Variants in CLASP2 observed in about 807,000 individuals in gnomAD.
CLASP2 encodes CLIP-associating protein 2.
CLASP2 carries 47 observed loss-of-function variants against 194.4 expected under a neutral mutation model. The observed-to-expected ratio is 0.24, with a 90% CI of 0.19 to 0.31. The LOEUF is 0.31. Among genes scored for constraint, CLASP2 ranks in the 10% least tolerant of loss-of-function variants. The pLI, the probability that CLASP2 is intolerant of heterozygous loss-of-function variation, is 1.00. For missense variants in CLASP2, 1,445 were observed against 1,823.6 expected (o/e 0.79, Z 3.78); for synonymous variants, 619 against 633.5 (o/e 0.98, Z 0.34).
intron 37 of CLASP2, among the ~76,000 whole-genome samples, chr3:33,506,683 T>A (rs2154080558): frequency 6.6e-6 from 1 of 152,264 alleles, no homozygotes; most frequent in South Asian, 2.1e-4. Flanking sequence ...AGGTAGGGGT[T>A]CAACTTCATT....
chr3:33,635,020 G>T (rs891438606), intron 8 of CLASP2, among the ~76,000 whole-genome samples: 1 of 152,062 alleles, frequency 6.6e-6, no homozygotes, highest in Non-Finnish European at 1.5e-5. Flanking sequence ...GGGAGGCTGA[G>T]CCAGACAGAC....
intron 29 of CLASP2, among the ~76,000 whole-genome samples, chr3:33,555,149 C>G (rs2060700712): frequency 6.6e-6 from 1 of 151,944 alleles, no homozygotes; most frequent in Non-Finnish European, 1.5e-5. Context: ...TTAGCCATTC[C>G]ACAATGCATA....
chr3:33,624,346 G>A (rs2077622013), intron 10 of CLASP2, among the ~76,000 whole-genome samples: 1 of 151,946 alleles, frequency 6.6e-6, no homozygotes, highest in African/African-American at 2.4e-5. Flanking sequence ...GGGCATATAA[G>A]GAAGGGAAAA....
At position 33,599,967 on chromosome 3, in the gene CLASP2, A is replaced by C. The variant is rs952091599; in HGVS notation, c.1924+2985T>G. Among the ~76,000 whole-genome samples, 19 of 152,226 alleles carry C rather than the reference A, an allele frequency of 1.2e-4. No homozygotes were observed. In the Middle Eastern group the frequency reaches 0.014, roughly 109 times the overall value. ...TAAAGAACAACAATAGGTTCTCACAAAAAAAAATTGTCCCAAATTGGCTTT... is the reference window on the plus strand; with the variant it reads ...TAAAGAACAACAATAGGTTCTCACACAAAAAAATTGTCCCAAATTGGCTTT... On this transcript the variant is annotated intron_variant, in intron 18 of 38. Transcript: ENST00000682230.
intron 21 of CLASP2, chr3:33,588,564 C>A: frequency 4.0e-6 from 2 of 504,026 alleles, no homozygotes; most frequent in African/African-American, 2.0e-5. Flanking sequence ...AAAGAAAAAT[C>A]ACAATTGGCA....
intron 7 of CLASP2, among the ~76,000 whole-genome samples, chr3:33,649,818 G>C (rs113131298): frequency 2.2e-4 from 34 of 152,236 alleles, no homozygotes; most frequent in African/African-American, 7.0e-4. Context: ...ACAGAGAAGT[G>C]AATCAAATAG....
At chr3:33,519,817 C>T (rs1431247900) in intron 34 of CLASP2, among the ~76,000 whole-genome samples, 1 of 152,068 alleles carries the variant, frequency 6.6e-6, no homozygotes, top group Non-Finnish European at 1.5e-5. Context: ...ACACATTAGA[C>T]TATGATGAAG....
intron 6 of CLASP2, among the ~76,000 whole-genome samples, chr3:33,678,339 A>G (rs1387692667): frequency 6.6e-6 from 1 of 152,160 alleles, no homozygotes; most frequent in Non-Finnish European, 1.5e-5. Flanking sequence ...ACTATAGTAA[A>G]TCAAAAATAA....
In CLASP2 at chr3:33,717,965, A is replaced by G. The variant is rs1418047308; in HGVS notation, c.38T>C (p.Val13Ala). 1.3e-6 allele frequency: 2 copies of G among 1,541,998 alleles called. No homozygotes were observed. The highest frequency in any genetic ancestry group is 2.7e-5 in the African/African-American group (2 of 72,742). Reference protein sequence around the residue: ...PRSMEYFCAQVQQKDVGGRLQ... With the variant: ...PRSMEYFCAQAQQKDVGGRLQ... ...CCGGCCGCCGACGTCCTTCTGCTGCACCTGGGCGCAGAAGTACTCCATGCT... is the reference window on the plus strand; with the variant it reads ...CCGGCCGCCGACGTCCTTCTGCTGCGCCTGGGCGCAGAAGTACTCCATGCT... The change falls in exon 1 of 39, where the codon GTG (valine) becomes GCG (alanine). Residue 13 changes from valine to alanine, a missense_variant. Val to Ala is a moderately conservative substitution (Grantham distance 64, BLOSUM62 0). This residue lies in a region of CLASP2 where 332 missense variants were observed against 325.3 expected (regional missense o/e 1.02). Transcript: ENST00000682230.
chr3:33,676,814 G>A (rs912360102), intron 6 of CLASP2, among the ~76,000 whole-genome samples: 2 of 152,032 alleles, frequency 1.3e-5, no homozygotes, highest in Non-Finnish European at 2.9e-5. Flanking sequence ...TCTGACAAAG[G>A]GCTAATATCT....
In CLASP2 at chr3:33,600,446, T is replaced by C. The variant is rs9867937; in HGVS notation, c.1924+2506A>G. 5.4e-3 allele frequency among the ~76,000 whole-genome samples: 825 copies of C among 152,326 alleles called. 10 individuals are homozygous for C. Among genetic ancestry groups the C allele is most frequent in the African/African-American group, 0.019 (803 of 41,568 alleles). ...AAAGGGTGTTAATTTTGTCAAATGC[T>C]TTTTCTGCAGCTACTGAGATGATCA... On this transcript the variant is annotated intron_variant, in intron 18 of 38. Coordinates refer to ENST00000682230, the MANE Select transcript of CLASP2 (RefSeq NM_001365631.1).
chr3:33,545,661 G>A (rs992794303), intron 30 of CLASP2, among the ~76,000 whole-genome samples: 3 of 152,158 alleles, frequency 2.0e-5, no homozygotes, highest in African/African-American at 7.2e-5. Context: ...GGCTCACACT[G>A]CACTTTGGGA....
intron 2 of CLASP2, among the ~76,000 whole-genome samples, chr3:33,696,353 C>CTTTTTTTTTT (rs962854814): frequency 1.0e-3 from 55 of 52,730 alleles, no homozygotes; most frequent in East Asian, 2.0e-3. Flanking sequence ...TTCTTTCTTT[C>CTTTTTTTTTT]TTTTTTTTTT....
intron 9 of CLASP2, among the ~76,000 whole-genome samples, chr3:33,629,054 T>C (rs1173600490): frequency 6.6e-6 from 1 of 151,070 alleles, no homozygotes; most frequent in Non-Finnish European, 1.5e-5. Context: ...GCCTCAACGA[T>C]GATCAGTGAT....
intron 23 of CLASP2, among the ~76,000 whole-genome samples, chr3:33,577,976 C>T (rs1576676443): frequency 6.6e-6 from 1 of 152,288 alleles, no homozygotes; most frequent in African/African-American, 2.4e-5. Flanking sequence ...TTTAAAAGTA[C>T]ATAATCTATG....
At chr3:33,658,992 G>C in intron 7 of CLASP2, 2 of 1,536,006 alleles carry the variant, frequency 1.3e-6, no homozygotes, top group Non-Finnish European at 1.7e-6. Flanking sequence ...ATAGCCATTA[G>C]ATGGTCCAGG....
chr3:33,499,672 T>G (rs2046394699), intron 38 of CLASP2, among the ~76,000 whole-genome samples: 1 of 152,094 alleles, frequency 6.6e-6, no homozygotes, highest in Admixed American at 6.6e-5. Flanking sequence ...TATAGCAGCA[T>G]GAAAACAGAC....
chr3:33,617,073 G>A (rs1577256010), intron 12 of CLASP2, among the ~76,000 whole-genome samples: 2 of 145,504 alleles, frequency 1.4e-5, no homozygotes, highest in Admixed American at 6.9e-5. Flanking sequence ...GATTAAGGTT[G>A]TCTACAATCT....
chr3:33,590,798 A>G (rs1168065638), intron 21 of CLASP2, among the ~76,000 whole-genome samples: 3 of 152,236 alleles, frequency 2.0e-5, no homozygotes, highest in Non-Finnish European at 4.4e-5. Flanking sequence ...AAATTCAGGA[A>G]TCAGGTTAAA....
Sources: gnomAD v4.1 joint callset for allele counts (sites outside exome capture counted in the v4.1 genomes callset) on GRCh38, gnomAD v4.1.1 for gene constraint, gnomAD v4.1.1 regional missense constraint, MANE v1.5 for transcripts, NCBI Gene and HGNC (gene_info 2026-07-23, HGNC 2026-07-21) for gene names.